Variants in ZNF804B observed in about 807,000 individuals in gnomAD.
The protein encoded by ZNF804B is zinc finger protein 804B.
Under a neutral mutation model 101.4 loss-of-function variants are expected in ZNF804B, and 80 were observed. The ratio of observed to expected loss-of-function variants is 0.79; its 90% CI spans 0.66 to 0.95. ZNF804B has a LOEUF of 0.95. Ranked by LOEUF, ZNF804B falls within the 40% of genes least tolerant of loss-of-function variation. The probability of loss-of-function intolerance (pLI) is 0.00; values close to 1 mark genes in which losing one functional copy is unlikely to be tolerated. For synonymous variants in ZNF804B, 622 were observed against 558.8 expected, an observed-to-expected ratio of 1.11 and a Z score of -1.59; for missense variants, 1,673 against 1,561.9, an observed-to-expected ratio of 1.07 and a Z score of -1.20.
chr7:88,915,492 C>T (rs1292359286), intron 1 of ZNF804B, among the ~76,000 whole-genome samples: 1 of 151,610 alleles, frequency 6.6e-6, no homozygotes, highest in East Asian at 1.9e-4. Flanking sequence ...TTGAAATGGC[C>T]TTATACTTTT....
chr7:89,257,204 T>C (rs1562929627), intron 2 of ZNF804B, among the ~76,000 whole-genome samples: 1 of 152,146 alleles, frequency 6.6e-6, no homozygotes. Context: ...TGGAGAAGTG[T>C]CCCTCAGTTT....
At chr7:89,218,361 A>T in intron 2 of ZNF804B, 66 bp downstream of exon 2, 1 of 1,561,644 alleles carries the variant, frequency 6.4e-7, no homozygotes, top group East Asian at 2.3e-5. Context: ...AACTGTATGA[A>T]TTTGACCTTA....
At chr7:88,822,237 T>A (rs907892063) in intron 1 of ZNF804B, among the ~76,000 whole-genome samples, 3 of 152,130 alleles carry the variant, frequency 2.0e-5, no homozygotes, top group Non-Finnish European at 4.4e-5. Context: ...GTATGAAGAA[T>A]TTTTTTAAGT....
At chr7:88,768,830 A>T (rs1790022247) in intron 1 of ZNF804B, among the ~76,000 whole-genome samples, 1 of 152,236 alleles carries the variant, frequency 6.6e-6, no homozygotes, top group African/African-American at 2.4e-5. Context: ...CCACTGATAG[A>T]GGGACAATAT....
In ZNF804B at chr7:89,218,384, T is replaced by C. The variant is rs113765774; in HGVS notation, c.249+89T>C. On this transcript the variant is annotated intron_variant, in intron 2 of 3. Transcript: ENST00000333190. ...GAATTTGACCTTATTTACTGCCATA[T>C]AAGACTGTGAGGTAAGAACATTTTA... The C allele has an allele frequency of 2.5e-5, 36 of 1,451,902 alleles. No individual in the cohort carries two copies. In the African/African-American group the frequency reaches 4.7e-4, roughly 19 times the overall value. The allele number at this position is 1,451,902 out of a possible 1,614,324, so 89.9% of individuals were successfully genotyped here. A position where few individuals can be genotyped will look rare whatever the true frequency, so the allele number is the denominator to read the frequency against.
At chr7:89,204,116 A>G (rs1562914895) in intron 1 of ZNF804B, among the ~76,000 whole-genome samples, 1 of 152,220 alleles carries the variant, frequency 6.6e-6, no homozygotes, top group African/African-American at 2.4e-5. Flanking sequence ...AGCAGGTATC[A>G]CTAGCAACTT....
At chr7:88,842,259 A>G (rs1359203936) in intron 1 of ZNF804B, among the ~76,000 whole-genome samples, 1 of 152,150 alleles carries the variant, frequency 6.6e-6, no homozygotes, top group East Asian at 1.9e-4. Context: ...AATAAATTGA[A>G]CCAGCCAAAT....
chr7:89,321,109 G>A (rs1450024521), intron 2 of ZNF804B, among the ~76,000 whole-genome samples: 1 of 152,140 alleles, frequency 6.6e-6, no homozygotes, highest in Non-Finnish European at 1.5e-5. Context: ...ATGACATATT[G>A]AAGAGTATTA....
intron 1 of ZNF804B, among the ~76,000 whole-genome samples, chr7:88,887,370 C>G (rs1439074997): frequency 1.3e-5 from 2 of 152,080 alleles, no homozygotes; most frequent in Non-Finnish European, 2.9e-5. Flanking sequence ...AATATTTTCT[C>G]CAAGTCTGTA....
intron 1 of ZNF804B, among the ~76,000 whole-genome samples, chr7:89,042,633 C>G (rs1789033242): frequency 6.6e-6 from 1 of 151,954 alleles, no homozygotes; most frequent in Non-Finnish European, 1.5e-5. Flanking sequence ...AAAAATAAGC[C>G]CTAATTTCAG....
intron 1 of ZNF804B, among the ~76,000 whole-genome samples, chr7:89,020,345 T>C (rs982016639): frequency 6.6e-5 from 10 of 152,148 alleles, no homozygotes; most frequent in Admixed American, 5.9e-4. Context: ...TTCTTCACTT[T>C]CAATTTTTTG....
intron 1 of ZNF804B, among the ~76,000 whole-genome samples, chr7:89,003,352 C>T (rs908399672): frequency 4.0e-5 from 6 of 151,876 alleles, no homozygotes; most frequent in African/African-American, 1.4e-4. Flanking sequence ...TTTTGCTGGA[C>T]ATTGTGTAAA....
intron 1 of ZNF804B, among the ~76,000 whole-genome samples, chr7:89,107,576 G>A (rs1790154107): frequency 6.6e-6 from 1 of 152,076 alleles, no homozygotes; most frequent in Non-Finnish European, 1.5e-5. Context: ...AAACTCATTA[G>A]CGGATACATG....
chr7:89,133,725 C>A lies in ZNF804B; in HGVS notation c.109-84430C>A, dbSNP rs112157426. On this transcript the variant is annotated intron_variant, in intron 1 of 3. Coordinates refer to ENST00000333190, the MANE Select transcript of ZNF804B (RefSeq NM_181646.5). Reference sequence around the variant, plus strand: ...TTTACAAGCAAATAGTAGAAATAAACGTCATGGCTAATGCACTTCGGTAAT... The same window carrying A: ...TTTACAAGCAAATAGTAGAAATAAAAGTCATGGCTAATGCACTTCGGTAAT... Among the ~76,000 whole-genome samples, 1,410 of 152,076 alleles carry A rather than the reference C, an allele frequency of 9.3e-3. 14 individuals are homozygous for A. Among genetic ancestry groups the A allele is most frequent in the African/African-American group, 0.032 (1,325 of 41,518 alleles).
chr7:89,198,109 C>T (rs945481043), intron 1 of ZNF804B, among the ~76,000 whole-genome samples: 2 of 151,784 alleles, frequency 1.3e-5, no homozygotes, highest in African/African-American at 4.8e-5. Flanking sequence ...ATTATTAAAT[C>T]TTTGCAAATA....
intron 1 of ZNF804B, among the ~76,000 whole-genome samples, chr7:89,066,114 A>G (rs1789451555): frequency 6.6e-6 from 1 of 152,172 alleles, no homozygotes; most frequent in African/African-American, 2.4e-5. Flanking sequence ...ACTTTACCTA[A>G]GGTTTGGTAG....
intron 2 of ZNF804B, among the ~76,000 whole-genome samples, chr7:89,245,602 A>G (rs1205157322): frequency 6.6e-6 from 1 of 152,184 alleles, no homozygotes; most frequent in East Asian, 1.9e-4. Context: ...AAATATCAAA[A>G]ATAATGATGG....
intron 1 of ZNF804B, among the ~76,000 whole-genome samples, chr7:89,099,134 A>G (rs1790014912): frequency 6.6e-6 from 1 of 151,032 alleles, no homozygotes; most frequent in South Asian, 2.1e-4. Context: ...TGGCATGGGA[A>G]TGGAATGTTT....
chr7:89,109,524 C>A (rs188044142), intron 1 of ZNF804B, among the ~76,000 whole-genome samples: 6 of 152,260 alleles, frequency 3.9e-5, no homozygotes, highest in Non-Finnish European at 1.5e-5. Context: ...CACCCAGTTA[C>A]TAGGAATAAT....
Sources: gnomAD v4.1 joint callset for allele counts (sites outside exome capture counted in the v4.1 genomes callset) on GRCh38, gnomAD v4.1.1 for gene constraint, MANE v1.5 for transcripts, NCBI Gene and HGNC (gene_info 2026-07-23, HGNC 2026-07-21) for gene names.